Variants in PELI1 observed in about 807,000 individuals in gnomAD.
PELI1 encodes E3 ubiquitin-protein ligase pellino homolog 1.
A neutral mutation model predicts 41.3 loss-of-function variants in PELI1; 15 were observed. The ratio of observed to expected loss-of-function variants is 0.36; its 90% CI spans 0.24 to 0.56. PELI1 has a LOEUF of 0.56. Among genes scored for constraint, PELI1 ranks in the 20% least tolerant of loss-of-function variants. The pLI is 0.82. For missense variants in PELI1, 403 were observed against 525.5 expected, an observed-to-expected ratio of 0.77 and a Z score of 2.28; for synonymous variants, 178 against 180.1, an observed-to-expected ratio of 0.99 and a Z score of 0.09.
chr2:64,118,318 A>G (rs1681072029), intron 1 of PELI1, among the ~76,000 whole-genome samples: 1 of 152,178 alleles, frequency 6.6e-6, no homozygotes, highest in African/African-American at 2.4e-5. Context: ...CAAAATTACA[A>G]CTTTTCTCAT....
chr2:64,104,502 ATT>A, intron 3 of PELI1, 197 bp downstream of exon 3: 5 of 717,548 alleles, frequency 7.0e-6, no homozygotes, highest in Non-Finnish European at 9.7e-6. Context: ...CTGGTTTGTC[ATT>A]TTTTTTTTAA....
At chr2:64,138,190 G>T (rs780491078) in intron 1 of PELI1, among the ~76,000 whole-genome samples, 2 of 152,040 alleles carry the variant, frequency 1.3e-5, no homozygotes, top group Non-Finnish European at 2.9e-5. Flanking sequence ...TCCCACCTCA[G>T]CTTCTTGAGT....
Position 64,100,462 on chromosome 2 carries a change from G to T in PELI1, c.239C>A (p.Thr80Asn). Residue 80 changes from threonine to asparagine, a missense_variant, in exon 4 of 7, where the codon ACT (threonine) becomes AAT (asparagine). Coordinates refer to ENST00000358912, the MANE Select transcript of PELI1 (RefSeq NM_020651.4). Reference sequence around the variant, plus strand: ...CACCACAGTCTGGGCCCGAGATAAAGTATATGATATGCTATGCTGGTCTTT... The same window carrying T: ...CACCACAGTCTGGGCCCGAGATAAATTATATGATATGCTATGCTGGTCTTT... The part of the protein sequence containing the change: ...SNKDQHSISY[T>N]LSRAQTVVVE... 1 of 1,587,340 alleles carries T rather than the reference G, an allele frequency of 6.3e-7. No individual in the cohort carries two copies. The highest frequency in any genetic ancestry group is 8.7e-7 in the Non-Finnish European group (1 of 1,155,886).
chr2:64,097,421 T>C (rs2103663341), intron 4 of PELI1, among the ~76,000 whole-genome samples: 1 of 152,390 alleles, frequency 6.6e-6, no homozygotes, highest in African/African-American at 2.4e-5. Flanking sequence ...ATATATATAC[T>C]CTTCCTGGTT....
At chr2:64,104,502 AT>A (rs369797397) in intron 3 of PELI1, 198 bp downstream of exon 3, 5,062 of 706,074 alleles carry the variant, frequency 7.2e-3, no homozygotes, top group Middle Eastern at 9.4e-3. Flanking sequence ...CTGGTTTGTC[AT>A]TTTTTTTTTA....
At chr2:64,096,716 A>G (rs1007240130) in intron 4 of PELI1, 106 bp from the exon 5 acceptor site, 2 of 714,628 alleles carry the variant, frequency 2.8e-6, no homozygotes, top group Admixed American at 2.8e-5. Flanking sequence ...TGAAATTTCT[A>G]AAGTTGAAGT....
At chr2:64,117,102 T>C (rs1055563693) in intron 1 of PELI1, among the ~76,000 whole-genome samples, 3 of 152,098 alleles carry the variant, frequency 2.0e-5, no homozygotes, top group Non-Finnish European at 4.4e-5. Flanking sequence ...TAAGCCTCCC[T>C]ATTTCCTGGG....
rs1178484530 is a variant in PELI1 at position 64,092,717 on chromosome 2, T to TA, written c.*1984dup. 3.9e-5 allele frequency: 6 copies of TA among 152,226 alleles called. No homozygotes were observed. Among genetic ancestry groups the TA allele is most frequent in the Non-Finnish European group, 7.3e-5 (5 of 68,032 alleles). 9.4% of individuals were successfully genotyped at this position (152,226 alleles called of 1,614,324 possible). A position where few individuals can be genotyped will look rare whatever the true frequency, so the allele number is the denominator to read the frequency against. On this transcript the variant is annotated 3_prime_UTR_variant, in exon 7 of 7. Coordinates refer to ENST00000358912, the MANE Select transcript of PELI1 (RefSeq NM_020651.4). ...GCTTTTAAAAAAGAACCAGATACTT[T>TA]AAAGTGTTACATTAAATGCAAACTC...
intron 1 of PELI1, among the ~76,000 whole-genome samples, chr2:64,140,816 A>AAAAAAAG: frequency 6.7e-6 from 1 of 149,310 alleles, no homozygotes; most frequent in African/African-American, 2.5e-5. Context: ...AACAAAAAAA[A>AAAAAAAG]ACCTAGGGGC....
intron 1 of PELI1, among the ~76,000 whole-genome samples, chr2:64,109,399 G>C (rs1277178732): frequency 6.6e-6 from 1 of 152,208 alleles, no homozygotes; most frequent in African/African-American, 2.4e-5. Flanking sequence ...GCAAAAGATA[G>C]GCTGGGTGCA....
chr2:64,100,371 GA>G, intron 4 of PELI1, 26 bp downstream of exon 4: 5 of 1,228,720 alleles, frequency 4.1e-6, no homozygotes, highest in Admixed American at 1.8e-5. Flanking sequence ...CGTTTCTTAA[GA>G]AAAAAAATTT....
intron 1 of PELI1, among the ~76,000 whole-genome samples, chr2:64,124,930 G>T (rs1211452245): frequency 2.0e-5 from 3 of 152,112 alleles, no homozygotes; most frequent in Non-Finnish European, 4.4e-5. Flanking sequence ...CTATAAATTG[G>T]GGGTTCCCAC....
chr2:64,105,324 T>C (rs376243007), intron 2 of PELI1, among the ~76,000 whole-genome samples: 13 of 152,350 alleles, frequency 8.5e-5, no homozygotes, highest in East Asian at 1.9e-4. Flanking sequence ...GCTACCTGAA[T>C]GTACAAATGC....
intron 1 of PELI1, among the ~76,000 whole-genome samples, chr2:64,109,224 C>T (rs1442702545): frequency 1.3e-5 from 2 of 152,148 alleles, no homozygotes; most frequent in Non-Finnish European, 2.9e-5. Context: ...TCTATGTCCA[C>T]CTGGCAGTAA....
Position 64,096,134 on chromosome 2 carries a change from T to C in PELI1, c.681A>G (p.Arg227=), listed in dbSNP as rs1373842610. 1.2e-6 allele frequency: 2 copies of C among 1,611,402 alleles called. No individual in the cohort carries two copies. Among genetic ancestry groups the C allele is most frequent in the Non-Finnish European group, 1.7e-6 (2 of 1,178,250 alleles). ...ACCATTCAGTATTTACCATTTTTCC[T>C]CTCTGCTGAGCCGATCTGGTTTCAC... ...SLRETRSAQQ[R]GKMVEIETNQ... is the part of the protein sequence containing the mutation. Residue 227 remains arginine (R), a synonymous_variant, in exon 6 of 7, where the codon AGA becomes AGG. Transcript: ENST00000358912.
At position 64,094,876 on chromosome 2, in the gene PELI1, G is replaced by C; in HGVS notation, c.1083C>G (p.Thr361=). 2 of 1,614,176 alleles carry C rather than the reference G, an allele frequency of 1.2e-6. No individual in the cohort carries two copies. Among genetic ancestry groups the C allele is most frequent in the South Asian group, 2.2e-5 (2 of 91,080 alleles). The change falls in exon 7 of 7, where the codon ACC becomes ACG. Residue 361 remains threonine, a synonymous_variant. Coordinates refer to ENST00000358912, the MANE Select transcript of PELI1 (RefSeq NM_020651.4). ...AGFYVDAGPP[T]HAFSPCGHVC... is the part of the protein sequence containing the mutation. ...CATGCCCACACGGGCTAAACGCATG[G>C]GTTGGAGGGCCGGCGTCCACATAAA...
chr2:64,123,143 C>T (rs1681277770), intron 1 of PELI1, among the ~76,000 whole-genome samples: 1 of 152,192 alleles, frequency 6.6e-6, no homozygotes, highest in Non-Finnish European at 1.5e-5. Flanking sequence ...GCCAAGTGTT[C>T]AACTTTAGCT....
chr2:64,119,202 G>T (rs1681121859), intron 1 of PELI1, among the ~76,000 whole-genome samples: 1 of 152,032 alleles, frequency 6.6e-6, no homozygotes, highest in African/African-American at 2.4e-5. Flanking sequence ...CCCTAAGATG[G>T]AAGGAAATGT....
chr2:64,137,768 T>C (rs1278960093), intron 1 of PELI1, among the ~76,000 whole-genome samples: 3 of 152,076 alleles, frequency 2.0e-5, no homozygotes, highest in Non-Finnish European at 4.4e-5. Flanking sequence ...TAACATGAAA[T>C]ATCACGTGGC....
Sources: gnomAD v4.1 joint callset for allele counts (sites outside exome capture counted in the v4.1 genomes callset) on GRCh38, gnomAD v4.1.1 for gene constraint, MANE v1.5 for transcripts, NCBI Gene and HGNC (gene_info 2026-07-23, HGNC 2026-07-21) for gene names.